Variants in PGM3 observed in about 807,000 individuals in gnomAD.
PGM3 encodes the protein phosphoacetylglucosamine mutase.
Under a neutral mutation model 66.2 loss-of-function variants are expected in PGM3, and 40 were observed. The observed-to-expected ratio is 0.60, with a 90% CI of 0.47 to 0.79. The LOEUF (loss-of-function observed/expected upper bound fraction) is 0.79, where lower values mean the gene tolerates loss of function less well. Ranked by LOEUF, PGM3 falls within the 30% of genes least tolerant of loss-of-function variation. The probability of loss-of-function intolerance (pLI) is 0.00; values close to 1 mark genes in which losing one functional copy is unlikely to be tolerated. For synonymous variants in PGM3, 191 were observed against 224.2 expected, an observed-to-expected ratio of 0.85 and a Z score of 1.32; for missense variants, 537 against 643.4, an observed-to-expected ratio of 0.83 and a Z score of 1.79.
chr6:83,154,764 A>G, the PGM3 span, among the ~76,000 whole-genome samples: 1 of 152,022 alleles, frequency 6.6e-6, no homozygotes, highest in African/African-American at 2.4e-5. Context: ...GATTGTTTTT[A>G]TAGTTTAGGA....
At chr6:83,173,373 C>A (rs1400694354) in intron 10 of PGM3, among the ~76,000 whole-genome samples, 1 of 152,290 alleles carries the variant, frequency 6.6e-6, no homozygotes, top group Middle Eastern at 3.4e-3. Flanking sequence ...GACTGGATAA[C>A]TCTAAGGCTC....
At chr6:83,151,789 G>A in the PGM3 span, 1 of 1,451,524 alleles carries the variant, frequency 6.9e-7, no homozygotes, top group Non-Finnish European at 9.4e-7. Context: ...CAAGTCTATT[G>A]TAAAATATCT....
chr6:83,176,298 C>G (rs1343181955), intron 8 of PGM3, among the ~76,000 whole-genome samples: 1 of 152,122 alleles, frequency 6.6e-6, no homozygotes, highest in Non-Finnish European at 1.5e-5. Flanking sequence ...TTATAAGACA[C>G]GAAAGATTAC....
At chr6:83,151,554 T>G in the PGM3 span, 5 of 1,537,482 alleles carry the variant, frequency 3.3e-6, no homozygotes, top group Non-Finnish European at 4.4e-6. Context: ...TCTTTTAGCC[T>G]GATATTTCCC....
chr6:83,158,749 C>G, downstream of PGM3: 1 of 693,564 alleles, frequency 1.4e-6, no homozygotes, highest in East Asian at 2.9e-5. Context: ...TAATTGATTA[C>G]GTTTGGATAT....
intron 6 of PGM3, 125 bp downstream of exon 6, chr6:83,181,611 G>T: frequency 1.5e-6 from 1 of 654,046 alleles, no homozygotes; most frequent in Non-Finnish European, 2.6e-6. Flanking sequence ...ACTTCTCAAT[G>T]TCTAAATGTG....
intron 7 of PGM3, 49 bp from the exon 8 acceptor site, chr6:83,178,805 A>G (rs1787962340): frequency 6.6e-6 from 7 of 1,056,312 alleles, no homozygotes; most frequent in Non-Finnish European, 1.0e-5. Context: ...TATGGTCTAC[A>G]AAAACAAATA....
chr6:83,180,495 C>T (rs1261950149), intron 6 of PGM3, among the ~76,000 whole-genome samples: 1 of 152,154 alleles, frequency 6.6e-6, no homozygotes, highest in Non-Finnish European at 1.5e-5. Flanking sequence ...ATTGTCACAT[C>T]AAATTTATTA....
chr6:83,155,801 A>AG, the PGM3 span: 2 of 855,684 alleles, frequency 2.3e-6, no homozygotes, highest in Non-Finnish European at 3.5e-6. Context: ...TCTGTTTGCC[A>AG]GCCTGTCTGC....
At position 83,166,638 on chromosome 6, in the gene PGM3, G is replaced by T; in HGVS notation, c.*2596C>A. The T allele has an allele frequency of 9.8e-7, 1 of 1,023,438 alleles. No individual in the cohort carries two copies. The highest frequency in any genetic ancestry group is 3.0e-5 in the South Asian group (1 of 32,902). 63.4% of individuals were successfully genotyped at this position (1,023,438 alleles called of 1,614,324 possible). On this transcript the variant is annotated 3_prime_UTR_variant, in exon 13 of 13. Coordinates refer to ENST00000513973, the MANE Select transcript of PGM3 (RefSeq NM_015599.3). Reference sequence around the variant, plus strand: ...TAAGAATGTACTCCAATATAAAACGGCAAATTTCAACAATGCAAAAACCGC... The same window carrying T: ...TAAGAATGTACTCCAATATAAAACGTCAAATTTCAACAATGCAAAAACCGC...
At position 83,178,993 on chromosome 6, in the gene PGM3, A is replaced by T. The variant is rs536442668; in HGVS notation, c.946-237T>A. 6.3e-4 allele frequency among the ~76,000 whole-genome samples: 96 copies of T among 152,276 alleles called. 2 individuals carry two copies. The South Asian group carries it at 0.014, about 22-fold the overall frequency. On this transcript the variant is annotated intron_variant, in intron 7 of 12. Transcript: ENST00000513973. ...TCTTTTAAGAAGCCTGTATCTCCTG[A>T]TCTTCACCTCTTTAATTTTTTAAAT... is the stretch of plus-strand genomic sequence containing the variant.
At chr6:83,190,760 TTGGTCTTGTAAATAA>T in intron 2 of PGM3, 34 bp downstream of exon 2, 1 of 1,401,918 alleles carries the variant, frequency 7.1e-7, no homozygotes, top group Non-Finnish European at 1.0e-6. Context: ...ACACTAAGGC[TTGGTCTTGTAAATAA>T]TGGTCTGCTT....
intron 8 of PGM3, among the ~76,000 whole-genome samples, chr6:83,177,270 C>T (rs1387459305): frequency 1.3e-5 from 2 of 151,990 alleles, no homozygotes; most frequent in East Asian, 3.9e-4. Context: ...AAATGAGGTA[C>T]AAAAAAGTTG....
chr6:83,167,787 T>C lies in PGM3; in HGVS notation c.*1447A>G. 6.8e-7 allele frequency: 1 copy of C among 1,472,624 alleles called. No homozygotes were observed. Among genetic ancestry groups the C allele is most frequent in the Non-Finnish European group, 9.0e-7 (1 of 1,113,026 alleles). 91.2% of individuals were successfully genotyped at this position (1,472,624 alleles called of 1,614,324 possible). A position where few individuals can be genotyped will look rare whatever the true frequency, so the allele number is the denominator to read the frequency against. On this transcript the variant is annotated 3_prime_UTR_variant, in exon 13 of 13. Coordinates refer to ENST00000513973, the MANE Select transcript of PGM3 (RefSeq NM_015599.3). Reference sequence around the variant, plus strand: ...TCATTTCTTGACCAATTGCCAAAGTTTATATATTTTTAATTTTTCTAACAT... The same window carrying C: ...TCATTTCTTGACCAATTGCCAAAGTCTATATATTTTTAATTTTTCTAACAT...
chr6:83,177,711 T>TA (rs1787884750), intron 8 of PGM3, among the ~76,000 whole-genome samples: 1 of 152,180 alleles, frequency 6.6e-6, no homozygotes, highest in Non-Finnish European at 1.5e-5. Context: ...CCGATTTTAA[T>TA]AAGAGTCATG....
At position 83,166,643 on chromosome 6, in the gene PGM3, T is replaced by C; in HGVS notation, c.*2591A>G. ...ATGTACTCCAATATAAAACGGCAAA[T>C]TTCAACAATGCAAAAACCGCAATTA... On this transcript the variant is annotated 3_prime_UTR_variant, in exon 13 of 13. Coordinates refer to ENST00000513973, the MANE Select transcript of PGM3 (RefSeq NM_015599.3). 1 of 1,123,632 alleles carries C rather than the reference T, an allele frequency of 8.9e-7. No homozygotes were observed. Among genetic ancestry groups the C allele is most frequent in the Non-Finnish European group, 1.2e-6 (1 of 860,824 alleles). The allele number at this position is 1,123,632 out of a possible 1,614,324, so 69.6% of individuals were successfully genotyped here. A position where few individuals can be genotyped will look rare whatever the true frequency, so the allele number is the denominator to read the frequency against.
rs992760763 is a variant in PGM3 at position 83,178,697 on chromosome 6, T to C, written c.1005A>G (p.Thr335=). Reference sequence around the variant, plus strand: ...CCTTCATAACTTCTTCAAGATACCGTGTTGAACTTCCATTTGCATATGCAG... The same window carrying C: ...CCTTCATAACTTCTTCAAGATACCGCGTTGAACTTCCATTTGCATATGCAG... ...VQTAYANGSS[T]RYLEEVMKVP... is the part of the protein sequence containing the mutation. The change falls in exon 8 of 13, where the codon ACA becomes ACG. Residue 335 remains threonine (T), a synonymous_variant. Coordinates refer to ENST00000513973, the MANE Select transcript of PGM3 (RefSeq NM_015599.3). The C allele has an allele frequency of 1.9e-6, 3 of 1,603,262 alleles. No homozygotes were observed. The highest frequency in any genetic ancestry group is 2.6e-6 in the Non-Finnish European group (3 of 1,170,360).
Position 83,166,350 on chromosome 6 carries a change from C to A in PGM3, c.*2884G>T. 1.4e-6 allele frequency: 1 copy of A among 692,658 alleles called. No individual in the cohort carries two copies. 42.9% of individuals were successfully genotyped at this position (692,658 alleles called of 1,614,324 possible). A position where few individuals can be genotyped will look rare whatever the true frequency, so the allele number is the denominator to read the frequency against. ...GACTGGCCACTGCACTCCTCATCTT[C>A]AAGGCTCTAGTCTCCTTTGCAAAAC... On this transcript the variant is annotated 3_prime_UTR_variant, in exon 13 of 13. Coordinates refer to ENST00000513973, the MANE Select transcript of PGM3 (RefSeq NM_015599.3).
At position 83,168,114 on chromosome 6, in the gene PGM3, A is replaced by G; in HGVS notation, c.*1120T>C. The G allele has an allele frequency of 1.2e-6, 2 of 1,614,068 alleles. No homozygotes were observed. Among genetic ancestry groups the G allele is most frequent in the Non-Finnish European group, 1.7e-6 (2 of 1,180,014 alleles). ...ACCATGTTCCAGCAAAGCCAGGCAA[A>G]AAATAGAAGAGATGGTAGAAAAAGA... On this transcript the variant is annotated 3_prime_UTR_variant, in exon 13 of 13. Transcript: ENST00000513973.
Sources: allele counts gnomAD v4.1 joint callset (sites outside exome capture counted in the v4.1 genomes callset), GRCh38; gene constraint gnomAD v4.1.1; transcripts MANE v1.5; gene names NCBI Gene and HGNC (gene_info 2026-07-23, HGNC 2026-07-21).